The following TXLNB variants were observed in gnomAD, a reference collection of about 807,000 sequenced individuals.
TXLNB encodes taxilin beta.
A neutral mutation model predicts 57.4 loss-of-function variants in TXLNB; 37 were observed. That is an observed-to-expected ratio of 0.64 (90% confidence interval 0.50 to 0.85). TXLNB has a LOEUF of 0.85. TXLNB is among the 40% of genes least tolerant of loss of function. The probability of loss-of-function intolerance (pLI) is 0.00; values close to 1 mark genes in which losing one functional copy is unlikely to be tolerated. For missense variants in TXLNB, 848 were observed against 825.6 expected (o/e 1.03, Z -0.33); for synonymous variants, 302 against 309.6 (o/e 0.98, Z 0.26).
At chr6:139,267,647 T>G (rs972077164) in intron 4 of TXLNB, among the ~76,000 whole-genome samples, 1 of 152,128 alleles carries the variant, frequency 6.6e-6, no homozygotes, top group Non-Finnish European at 1.5e-5. Context: ...AAGTACATTA[T>G]ATGTTAATGG....
At position 139,263,818 on chromosome 6, in the gene TXLNB, G is replaced by A. The variant is rs186694839; in HGVS notation, c.688-1045C>T. 1.1e-4 allele frequency among the ~76,000 whole-genome samples: 16 copies of A among 152,208 alleles called. No individual in the cohort carries two copies. The East Asian group carries it at 2.7e-3, about 26-fold the overall frequency. On this transcript the variant is annotated intron_variant, in intron 4 of 9. Coordinates refer to ENST00000358430, the MANE Select transcript of TXLNB (RefSeq NM_153235.4). ...AATTGTTAATATGAAAGCTTGCTTC[G>A]TTGTTGGCAAGTAAAATTATACTGA... is the stretch of plus-strand genomic sequence containing the variant.
the TXLNB span, chr6:139,166,499 A>G: frequency 6.2e-7 from 1 of 1,614,180 alleles, no homozygotes; most frequent in Non-Finnish European, 8.5e-7. Flanking sequence ...CCGCCAGAAC[A>G]TGTGGACAAA....
intron 4 of TXLNB, among the ~76,000 whole-genome samples, chr6:139,265,814 T>C (rs1297100310): frequency 6.6e-6 from 1 of 152,154 alleles, no homozygotes; most frequent in African/African-American, 2.4e-5. Context: ...GGCAGGAGTA[T>C]GAGGTGGGCA....
chr6:139,211,992 C>A, the TXLNB span, among the ~76,000 whole-genome samples: 2 of 152,286 alleles, frequency 1.3e-5, no homozygotes, highest in Admixed American at 1.3e-4. Flanking sequence ...AAGACCAAAT[C>A]TGCGTCTAAT....
chr6:139,222,767 A>G, the TXLNB span, among the ~76,000 whole-genome samples: 1 of 152,184 alleles, frequency 6.6e-6, no homozygotes, highest in African/African-American at 2.4e-5. Context: ...AGATTGCGCC[A>G]CTGCACTCCA....
chr6:139,278,734 G>A (rs376977249), intron 2 of TXLNB, among the ~76,000 whole-genome samples: 28 of 152,326 alleles, frequency 1.8e-4, no homozygotes, highest in African/African-American at 5.8e-4. Flanking sequence ...GGCCAGGCAC[G>A]GTGGCTCACG....
chr6:139,247,175 C>T (rs1232741413), intron 8 of TXLNB, among the ~76,000 whole-genome samples: 1 of 152,158 alleles, frequency 6.6e-6, no homozygotes, highest in Non-Finnish European at 1.5e-5. Context: ...CAGATTCTCG[C>T]TCTGTTGCCC....
chr6:139,192,073 T>C, the TXLNB span, among the ~76,000 whole-genome samples: 1 of 152,244 alleles, frequency 6.6e-6, no homozygotes, highest in Non-Finnish European at 1.5e-5. Flanking sequence ...TTTTTCTTTG[T>C]TGAGTGGTTC....
the TXLNB span, among the ~76,000 whole-genome samples, chr6:139,186,793 G>T: frequency 7.2e-4 from 110 of 152,306 alleles, no homozygotes; most frequent in African/African-American, 2.5e-3. Context: ...AAAAGGAACA[G>T]ATTCTTCATA....
At chr6:139,246,265 A>G (rs1278398590) in intron 8 of TXLNB, among the ~76,000 whole-genome samples, 2 of 152,230 alleles carry the variant, frequency 1.3e-5, no homozygotes, top group African/African-American at 4.8e-5. Context: ...TCAAAAAAAA[A>G]TTAAGCAAAT....
chr6:139,294,427 G>T (rs1282887798), upstream of TXLNB, among the ~76,000 whole-genome samples: 1 of 152,066 alleles, frequency 6.6e-6, no homozygotes, highest in Admixed American at 6.5e-5. Flanking sequence ...CTGAATGTTT[G>T]TGTCCCCCCA....
chr6:139,203,713 C>T, the TXLNB span: 14 of 152,180 alleles, frequency 9.2e-5, no homozygotes, highest in Admixed American at 9.2e-4. Flanking sequence ...TCAGTGTTTC[C>T]CCTCTTCATC....
the TXLNB span, among the ~76,000 whole-genome samples, chr6:139,209,612 G>A: frequency 2.0e-5 from 3 of 152,104 alleles, no homozygotes; most frequent in African/African-American, 7.2e-5. Flanking sequence ...AAGATAAAGT[G>A]GGGAAAGGAT....
At chr6:139,209,723 G>A in the TXLNB span, among the ~76,000 whole-genome samples, 1 of 152,112 alleles carries the variant, frequency 6.6e-6, no homozygotes, top group Non-Finnish European at 1.5e-5. Context: ...AACTCAGGGT[G>A]GATCAAAGAC....
intron 7 of TXLNB, among the ~76,000 whole-genome samples, chr6:139,250,853 A>G (rs1776187863): frequency 1.3e-5 from 2 of 152,188 alleles, no homozygotes; most frequent in African/African-American, 4.8e-5. Flanking sequence ...ATGAGCTAAC[A>G]GGCATTAAAA....
the TXLNB span, among the ~76,000 whole-genome samples, chr6:139,226,154 C>T: frequency 1.3e-5 from 2 of 151,558 alleles, no homozygotes; most frequent in Non-Finnish European, 2.9e-5. Flanking sequence ...CCAAAATTAG[C>T]CAGGCTGGTG....
At chr6:139,205,765 A>G in the TXLNB span, among the ~76,000 whole-genome samples, 1 of 152,198 alleles carries the variant, frequency 6.6e-6, no homozygotes, top group Non-Finnish European at 1.5e-5. Context: ...TATTTGAGGG[A>G]ATAACTGAGA....
the TXLNB span, chr6:139,177,239 T>A: frequency 1.7e-6 from 1 of 590,458 alleles, no homozygotes; most frequent in Non-Finnish European, 2.9e-6. This position sits in a 1 kb window ranked among gnomAD's most constrained non-coding sequence, Gnocchi z 4.9. Flanking sequence ...TGTGTGCCAC[T>A]AAAATAGGGG....
At chr6:139,197,418 A>C in the TXLNB span, among the ~76,000 whole-genome samples, 1 of 152,188 alleles carries the variant, frequency 6.6e-6, no homozygotes, top group African/African-American at 2.4e-5. Flanking sequence ...CGTGGCACCT[A>C]GTAAGCACTC....
Sources: gnomAD v4.1 joint callset for allele counts (sites outside exome capture counted in the v4.1 genomes callset) on GRCh38, gnomAD v4.1.1 for gene constraint, Gnocchi (gnomAD v3.1) non-coding constraint, MANE v1.5 for transcripts, NCBI Gene and HGNC (gene_info 2026-07-23, HGNC 2026-07-21) for gene names.